Variants in FGGY observed in about 807,000 individuals in gnomAD.
FGGY encodes the protein FGGY carbohydrate kinase domain containing, also known as FGGY carbohydrate kinase domain-containing protein.
FGGY carries 72 observed loss-of-function variants against 71.3 expected under a neutral mutation model. The ratio of observed to expected loss-of-function variants is 1.01; its 90% CI spans 0.84 to 1.23. The LOEUF (loss-of-function observed/expected upper bound fraction) is 1.23, where lower values mean the gene tolerates loss of function less well. Among genes scored for constraint, FGGY ranks in the 50% most tolerant of loss-of-function variants. FGGY has a pLI of 0.00. For missense variants in FGGY, 668 were observed against 682.3 expected (o/e 0.98, Z 0.23); for synonymous variants, 251 against 250.3 (o/e 1.00, Z -0.02).
Position 59,674,106 on chromosome 1 carries a change from T to G in FGGY, c.1485T>G (p.Cys495Trp). ...VLVGAAVLGA[C>W]ASGDFASVQE... ...TGGGTGCTGCTGTTCTGGGTGCCTG[T>G]GCCTCAGGGGATTTCGCTTCTGTAC... Residue 495 changes from cysteine to tryptophan, a missense_variant, in exon 14 of 16, where the codon TGT becomes TGG. By Grantham distance (215) the Cys-to-Trp change is radical (BLOSUM62 -2). Around this residue, in one of 2 missense-constraint regions of FGGY, gnomAD observed 661 missense variants for 661.6 expected, o/e 1.00. Coordinates refer to ENST00000303721, the MANE Select transcript of FGGY (RefSeq NM_018291.5). 6.2e-7 allele frequency: 1 copy of G among 1,613,986 alleles called. No individual in the cohort carries two copies. Among genetic ancestry groups the G allele is most frequent in the Non-Finnish European group, 8.5e-7 (1 of 1,179,946 alleles).
At chr1:59,634,819 G>C (rs1340816616) in intron 10 of FGGY, among the ~76,000 whole-genome samples, 1 of 152,202 alleles carries the variant, frequency 6.6e-6, no homozygotes, top group Non-Finnish European at 1.5e-5. Flanking sequence ...TAAGTAGACA[G>C]TATTAGCCCC....
intron 12 of FGGY, among the ~76,000 whole-genome samples, chr1:59,666,848 C>T (rs1016864921): frequency 6.6e-6 from 1 of 152,098 alleles, no homozygotes; most frequent in Admixed American, 6.5e-5. Context: ...AAGGAAAAAG[C>T]CTTTAGTTCC....
At chr1:59,355,970 A>G (rs1401378961) in intron 4 of FGGY, among the ~76,000 whole-genome samples, 1 of 152,224 alleles carries the variant, frequency 6.6e-6, no homozygotes, top group Non-Finnish European at 1.5e-5. Flanking sequence ...TTAAAAATTG[A>G]GAAATTTTAT....
chr1:59,527,775 A>C (rs1191668222), intron 7 of FGGY, among the ~76,000 whole-genome samples: 2 of 152,268 alleles, frequency 1.3e-5, no homozygotes, highest in Non-Finnish European at 2.9e-5. Context: ...AAGGGGCAAC[A>C]TGAGAAAATA....
chr1:59,432,299 T>G (rs2067542939), intron 5 of FGGY, among the ~76,000 whole-genome samples: 1 of 152,200 alleles, frequency 6.6e-6, no homozygotes, highest in Non-Finnish European at 1.5e-5. Context: ...GTAGAGTGTT[T>G]CCCTGAGTTT....
chr1:59,669,922 G>A (rs1357514694), intron 13 of FGGY, among the ~76,000 whole-genome samples: 2 of 152,156 alleles, frequency 1.3e-5, no homozygotes, highest in Admixed American at 6.6e-5. Context: ...TCAGAAGCAC[G>A]GCGGGGAGTG....
At position 59,535,863 on chromosome 1, in the gene FGGY, G is replaced by A. The variant is rs1056912229; in HGVS notation, c.800-18261G>A. On this transcript the variant is annotated intron_variant, in intron 7 of 15. Coordinates refer to ENST00000303721, the MANE Select transcript of FGGY (RefSeq NM_018291.5). ...TAGAGGGAAATTTATAGCACTAAATGCCCACAAGAGAAAGCAGGAAAGATC... is the reference window on the plus strand; with the variant it reads ...TAGAGGGAAATTTATAGCACTAAATACCCACAAGAGAAAGCAGGAAAGATC... Among the ~76,000 whole-genome samples, 169 of 147,744 alleles carry A rather than the reference G, an allele frequency of 1.1e-3. 1 individual carries two copies. The highest frequency in any genetic ancestry group is 4.2e-3 in the African/African-American group (163 of 38,786).
chr1:59,747,546 A>G (rs2098210699), intron 14 of FGGY, among the ~76,000 whole-genome samples: 1 of 152,218 alleles, frequency 6.6e-6, no homozygotes, highest in African/African-American at 2.4e-5. Flanking sequence ...AGAAAACCAC[A>G]TGTGCACAAA....
intron 3 of FGGY, among the ~76,000 whole-genome samples, chr1:59,344,305 GTT>G (rs541804255): frequency 0.026 from 3,683 of 140,010 alleles, 168 homozygotes; most frequent in African/African-American, 0.09. Flanking sequence ...TTTTTTTGTT[GTT>G]TTTTTTTTTG....
chr1:59,731,855 T>A (rs1221309046), intron 14 of FGGY, among the ~76,000 whole-genome samples: 1 of 152,130 alleles, frequency 6.6e-6, no homozygotes, highest in Non-Finnish European at 1.5e-5. Flanking sequence ...TCCGAATCCC[T>A]GTTTAAGCTC....
At chr1:59,724,197 G>C (rs1041493230) in intron 14 of FGGY, among the ~76,000 whole-genome samples, 4 of 147,782 alleles carry the variant, frequency 2.7e-5, no homozygotes, top group Admixed American at 1.3e-4. Context: ...CCCCCGTGTT[G>C]GCCAGGCATG....
chr1:59,419,255 G>T (rs1390709990), intron 5 of FGGY, among the ~76,000 whole-genome samples: 3 of 152,046 alleles, frequency 2.0e-5, no homozygotes, highest in Non-Finnish European at 4.4e-5. Context: ...CCCTCTGGCA[G>T]CATTGTGAAA....
chr1:59,528,129 C>G (rs1308003111), intron 7 of FGGY, among the ~76,000 whole-genome samples: 1 of 152,182 alleles, frequency 6.6e-6, no homozygotes, highest in African/African-American at 2.4e-5. Flanking sequence ...TAATTAGACT[C>G]AACGTTGTTT....
chr1:59,737,249 G>T (rs1184980792), intron 14 of FGGY, among the ~76,000 whole-genome samples: 1 of 152,260 alleles, frequency 6.6e-6, no homozygotes, highest in Non-Finnish European at 1.5e-5. Context: ...AGGGCAGTGT[G>T]GAAGGGAAAT....
chr1:59,485,330 G>A (rs76641088), intron 6 of FGGY, among the ~76,000 whole-genome samples: 6 of 152,302 alleles, frequency 3.9e-5, no homozygotes, highest in Admixed American at 3.3e-4. Context: ...GGCCAATGAG[G>A]TATAAGCAGA....
At chr1:59,550,051 T>C (rs970322299) in intron 7 of FGGY, among the ~76,000 whole-genome samples, 6 of 152,334 alleles carry the variant, frequency 3.9e-5, no homozygotes, top group Non-Finnish European at 8.8e-5. Context: ...CTGCCATCAG[T>C]TGGGCATTGT....
At chr1:59,319,781 G>A (rs2046064508) in intron 1 of FGGY, among the ~76,000 whole-genome samples, 2 of 152,266 alleles carry the variant, frequency 1.3e-5, no homozygotes, top group Non-Finnish European at 2.9e-5. Context: ...TGTGGAGGGT[G>A]TGAGATCCCG....
intron 9 of FGGY, among the ~76,000 whole-genome samples, chr1:59,615,779 T>A (rs534366147): frequency 2.6e-5 from 4 of 152,174 alleles, no homozygotes; most frequent in South Asian, 4.1e-4. Context: ...GAATCTACAA[T>A]GAACTCAAAC....
chr1:59,581,485 T>A (rs2096193713), intron 8 of FGGY, among the ~76,000 whole-genome samples: 1 of 150,154 alleles, frequency 6.7e-6, no homozygotes, highest in African/African-American at 2.5e-5. Flanking sequence ...CATAACATTT[T>A]ATTTGCTAAA....
Sources: gnomAD v4.1 joint callset for allele counts (sites outside exome capture counted in the v4.1 genomes callset) on GRCh38, gnomAD v4.1.1 for gene constraint, gnomAD v4.1.1 regional missense constraint, MANE v1.5 for transcripts, NCBI Gene and HGNC (gene_info 2026-07-23, HGNC 2026-07-21) for gene names.